Variants in TENM3 observed in about 807,000 individuals in gnomAD.
The protein encoded by TENM3 is teneurin-3.
Under a neutral mutation model 255.1 loss-of-function variants are expected in TENM3, and 63 were observed. The ratio of observed to expected loss-of-function variants is 0.25; its 90% CI spans 0.20 to 0.30. TENM3 has a LOEUF of 0.30. TENM3 is among the 10% of genes least tolerant of loss of function. The pLI is 1.00. For missense variants in TENM3, 2,929 were observed against 3,461.1 expected (o/e 0.85, Z 3.86); for synonymous variants, 1,306 against 1,322.3 (o/e 0.99, Z 0.27).
intron 3 of TENM3, among the ~76,000 whole-genome samples, chr4:182,362,572 C>T (rs984063367): frequency 5.3e-5 from 8 of 152,136 alleles, no homozygotes; most frequent in Non-Finnish European, 8.8e-5. Flanking sequence ...TTAAGCCCGT[C>T]GGAAAAGCTC....
rs527701228 is a variant in TENM3 at position 182,774,410 on chromosome 4, T to C, written c.5069-508T>C. 4.1e-4 allele frequency among the ~76,000 whole-genome samples: 63 copies of C among 152,348 alleles called. 1 individual carries two copies. The South Asian group carries it at 0.013, about 32-fold the overall frequency. ...ACAATATGAGCTTTTTTGTATAAAA[T>C]ATAAAATGTCTTCCTTTATTGAAGT... On this transcript the variant is annotated intron_variant, in intron 23 of 27. Coordinates refer to ENST00000511685, the MANE Select transcript of TENM3 (RefSeq NM_001080477.4).
the TENM3 span, among the ~76,000 whole-genome samples, chr4:182,048,333 T>A: frequency 6.6e-6 from 1 of 152,198 alleles, no homozygotes; most frequent in Non-Finnish European, 1.5e-5. Flanking sequence ...TTTCATAGAT[T>A]ACTATCTACT....
chr4:181,725,420 C>CTTTTTTTTTTT, the TENM3 span, among the ~76,000 whole-genome samples: 4 of 133,792 alleles, frequency 3.0e-5, no homozygotes, highest in Non-Finnish European at 4.7e-5. Flanking sequence ...CTTTTTCTTT[C>CTTTTTTTTTTT]TTTTTTTTTT....
At chr4:182,674,254 A>G (rs898114344) in intron 7 of TENM3, among the ~76,000 whole-genome samples, 3 of 152,172 alleles carry the variant, frequency 2.0e-5, no homozygotes, top group African/African-American at 4.8e-5. Flanking sequence ...TATTTTTTCT[A>G]TAACCTAGGA....
intron 3 of TENM3, among the ~76,000 whole-genome samples, chr4:182,422,433 A>G (rs1335210746): frequency 6.6e-6 from 1 of 152,230 alleles, no homozygotes; most frequent in Non-Finnish European, 1.5e-5. Flanking sequence ...CTCGCAACCA[A>G]GTCCCTGCTG....
chr4:182,513,726 T>G (rs1485028529), intron 3 of TENM3, among the ~76,000 whole-genome samples: 1 of 152,204 alleles, frequency 6.6e-6, no homozygotes, highest in East Asian at 1.9e-4. Context: ...CTGGAGGGAC[T>G]GCCCCTCCTA....
chr4:182,589,512 C>T (rs1261394470), intron 3 of TENM3, among the ~76,000 whole-genome samples: 1 of 142,452 alleles, frequency 7.0e-6, no homozygotes, highest in Non-Finnish European at 1.5e-5. Flanking sequence ...CTGACAGATA[C>T]ACTTACCCCA....
At chr4:182,653,995 A>T in intron 6 of TENM3, 102 bp downstream of exon 6, 2 of 1,129,638 alleles carry the variant, frequency 1.8e-6, no homozygotes, top group East Asian at 5.7e-5. Flanking sequence ...GAACAGGGAA[A>T]AGTGTTCGAA....
At chr4:181,650,871 T>C in the TENM3 span, among the ~76,000 whole-genome samples, 1 of 152,228 alleles carries the variant, frequency 6.6e-6, no homozygotes, top group Non-Finnish European at 1.5e-5. Context: ...TTTCTTTATC[T>C]TCCCTTTGAG....
chr4:182,627,555 T>A lies in TENM3; in HGVS notation c.750-1096T>A, dbSNP rs567424396. ...ACCATATCAGATTGGAAGATCTCTG[T>A]ATCTTCTGAATGTGAAAGAGAGCAC... On this transcript the variant is annotated intron_variant, in intron 4 of 27. Coordinates refer to ENST00000511685, the MANE Select transcript of TENM3 (RefSeq NM_001080477.4). Among the ~76,000 whole-genome samples, 5 of 151,838 alleles carry A rather than the reference T, an allele frequency of 3.3e-5. No homozygotes were observed. The East Asian group carries it at 9.9e-4, about 30-fold the overall frequency.
chr4:182,111,542 G>A, the TENM3 span, among the ~76,000 whole-genome samples: 2 of 152,260 alleles, frequency 1.3e-5, no homozygotes, highest in South Asian at 4.1e-4. Flanking sequence ...ATGGATGCAC[G>A]TGCAATGGAA....
the TENM3 span, among the ~76,000 whole-genome samples, chr4:181,831,031 T>A: frequency 5.3e-5 from 8 of 152,116 alleles, no homozygotes; most frequent in African/African-American, 1.9e-4. Context: ...TAAAAATCTT[T>A]CTCTCTTTCC....
At chr4:181,883,438 A>C in the TENM3 span, among the ~76,000 whole-genome samples, 4 of 152,048 alleles carry the variant, frequency 2.6e-5, no homozygotes, top group African/African-American at 9.6e-5. Flanking sequence ...TTTACAGCCC[A>C]CCTCTTTTCA....
At chr4:181,564,300 C>T in the TENM3 span, among the ~76,000 whole-genome samples, 11 of 152,142 alleles carry the variant, frequency 7.2e-5, no homozygotes, top group African/African-American at 2.7e-4. Flanking sequence ...ATTAGCGACA[C>T]ACATATTCAG....
intron 3 of TENM3, among the ~76,000 whole-genome samples, chr4:182,448,027 A>C (rs987918188): frequency 1.3e-5 from 2 of 152,362 alleles, no homozygotes; most frequent in East Asian, 1.9e-4. Context: ...GCTAGTTAGA[A>C]CACCACATGA....
At chr4:182,224,541 G>A (rs925899730) in intron 1 of TENM3, among the ~76,000 whole-genome samples, 14 of 151,998 alleles carry the variant, frequency 9.2e-5, no homozygotes, top group Admixed American at 5.9e-4. Flanking sequence ...TATTTAAAAC[G>A]TATATTTAAC....
At chr4:181,549,276 A>C in the TENM3 span, among the ~76,000 whole-genome samples, 2 of 152,238 alleles carry the variant, frequency 1.3e-5, no homozygotes, top group Non-Finnish European at 2.9e-5. Flanking sequence ...CGAACATGAA[A>C]GAGACAAGGG....
the TENM3 span, among the ~76,000 whole-genome samples, chr4:181,968,793 A>T: frequency 6.6e-6 from 1 of 152,170 alleles, no homozygotes; most frequent in Non-Finnish European, 1.5e-5. Context: ...TATGCAAAAA[A>T]ATTCTGTTCA....
rs1766173050 is a variant in TENM3, at chr4:182,792,333, C to T, written c.5661C>T (p.Asp1887=). The T allele has an allele frequency of 2.5e-6, 4 of 1,613,904 alleles. No homozygotes were observed. In the African/African-American group the frequency reaches 4.0e-5, roughly 16 times the overall value. The change falls in exon 26 of 28, where the codon GAC becomes GAT. Residue 1887 remains aspartate (D), a synonymous_variant. Coordinates refer to ENST00000511685, the MANE Select transcript of TENM3 (RefSeq NM_001080477.4). This position sits in a 1 kb window ranked among gnomAD's most constrained non-coding sequence, Gnocchi z 6.3. ...ACATCTTCGAATACGATATGTGGGA[C>T]CGCCTGTCTGCCATCACCATGCCCA... The part of the protein sequence containing the change: ...RQYIFEYDMW[D]RLSAITMPSV...
Sources: allele counts gnomAD v4.1 joint callset (sites outside exome capture counted in the v4.1 genomes callset), GRCh38; gene constraint gnomAD v4.1.1; non-coding constraint Gnocchi (gnomAD v3.1); transcripts MANE v1.5; gene names NCBI Gene and HGNC (gene_info 2026-07-23, HGNC 2026-07-21).